DLGAP2: variants seen among roughly 807,000 people sequenced by gnomAD.
The protein encoded by DLGAP2 is DLG associated protein 2.
DLGAP2 carries 26 observed loss-of-function variants against 100.3 expected under a neutral mutation model. That is an observed-to-expected ratio of 0.26 (90% CI 0.19 to 0.36). DLGAP2 has a LOEUF of 0.36. DLGAP2 is among the 10% of genes least tolerant of loss of function. The probability of loss-of-function intolerance (pLI) is 1.00; values close to 1 mark genes in which losing one functional copy is unlikely to be tolerated. For missense variants in DLGAP2, 1,858 were observed against 1,453.2 expected, an observed-to-expected ratio of 1.28 and a Z score of -4.53; for synonymous variants, 886 against 630.1, an observed-to-expected ratio of 1.41 and a Z score of -6.08.
At chr8:1,190,847 AG>A (rs1797618412) in intron 2 of DLGAP2, among the ~76,000 whole-genome samples, 1 of 152,174 alleles carries the variant, frequency 6.6e-6, no homozygotes, top group African/African-American at 2.4e-5. Context: ...CCCAGGCTCC[AG>A]GCGCACGCAG....
intron 1 of DLGAP2, among the ~76,000 whole-genome samples, chr8:764,610 A>G (rs1821164732): frequency 6.6e-6 from 1 of 152,196 alleles, no homozygotes; most frequent in African/African-American, 2.4e-5. Flanking sequence ...TTAGGTAATA[A>G]AAAATCACCC....
intron 2 of DLGAP2, among the ~76,000 whole-genome samples, chr8:943,253 C>T (rs1203391313): frequency 6.6e-6 from 1 of 152,112 alleles, no homozygotes; most frequent in African/African-American, 2.4e-5. Flanking sequence ...CTAGGGATCG[C>T]ATTCTCAGGC....
chr8:1,623,804 A>G (rs980031661), intron 6 of DLGAP2, among the ~76,000 whole-genome samples: 2 of 152,268 alleles, frequency 1.3e-5, no homozygotes, highest in African/African-American at 4.8e-5. Flanking sequence ...GGACAATGCA[A>G]AACACTTATT....
In DLGAP2 at chr8:1,552,201, C is replaced by T. The variant is rs73671203; in HGVS notation, c.1230+2518C>T. On this transcript the variant is annotated intron_variant, in intron 5 of 14. Transcript: ENST00000637795. ...CCTCGGAAACAACACAGAGCGTTAT[C>T]GTGCCGACATTGGGAAGCACTGCCC... Among the ~76,000 whole-genome samples the T allele has an allele frequency of 2.4e-3, 364 of 152,334 alleles. 2 individuals carry two copies. Among genetic ancestry groups the T allele is most frequent in the African/African-American group, 8.2e-3 (342 of 41,570 alleles).
chr8:1,413,914 T>C (rs73670796), intron 3 of DLGAP2, among the ~76,000 whole-genome samples: 3,025 of 152,222 alleles, frequency 0.02, 91 homozygotes, highest in African/African-American at 0.068. Flanking sequence ...TTTATCATTT[T>C]TTTTTTCAAA....
chr8:1,219,999 C>T (rs1182528552), intron 2 of DLGAP2, among the ~76,000 whole-genome samples: 1 of 151,862 alleles, frequency 6.6e-6, no homozygotes, highest in Non-Finnish European at 1.5e-5. Flanking sequence ...TGGATCTTCT[C>T]TCTGTTTAAA....
chr8:1,023,857 A>ATATGTGTGTGTG (rs772678610), intron 2 of DLGAP2, among the ~76,000 whole-genome samples: 4 of 128,836 alleles, frequency 3.1e-5, no homozygotes, highest in Admixed American at 8.2e-5. Context: ...AACTTTATAT[A>ATATGTGTGTGTG]TGTGTGTGTG....
At chr8:1,167,592 G>T (rs2060813) in intron 2 of DLGAP2, among the ~76,000 whole-genome samples, 129,947 of 152,140 alleles carry the variant, frequency 0.85, 55,560 homozygotes, top group Middle Eastern at 0.88. Flanking sequence ...CCACATTGAG[G>T]TAATACTTAA....
chr8:836,097 G>A lies in DLGAP2; in HGVS notation c.19-71815G>A, dbSNP rs1796869650. ...CGCAGCCATGGAGCACAGCGGCGGC[G>A]CAACAGCTGTGTTGTTCCTGAACGC... On this transcript the variant is annotated intron_variant, in intron 1 of 14. Transcript: ENST00000637795. Among the ~76,000 whole-genome samples, 2 of 152,178 alleles carry A rather than the reference G, an allele frequency of 1.3e-5. 1 individual carries two copies. The highest frequency in any genetic ancestry group is 4.1e-4 in the South Asian group (2 of 4,830).
intron 3 of DLGAP2, among the ~76,000 whole-genome samples, chr8:1,384,786 A>G (rs367689724): frequency 9.8e-5 from 3 of 30,560 alleles, no homozygotes; most frequent in African/African-American, 3.8e-4. Flanking sequence ...CTTGGTGCAC[A>G]GTTACCCCGG....
At chr8:1,536,540 T>C (rs1801159133) in intron 4 of DLGAP2, among the ~76,000 whole-genome samples, 2 of 152,302 alleles carry the variant, frequency 1.3e-5, no homozygotes, top group African/African-American at 4.8e-5. Flanking sequence ...CTGAAAGCAT[T>C]TTGAGCCTGG....
At chr8:1,439,509 G>A (rs1797764786) in intron 3 of DLGAP2, among the ~76,000 whole-genome samples, 1 of 152,168 alleles carries the variant, frequency 6.6e-6, no homozygotes, top group Admixed American at 6.5e-5. Context: ...GTCATCAGAG[G>A]CCCACAGTGG....
chr8:1,100,879 C>G (rs764956590), intron 2 of DLGAP2, among the ~76,000 whole-genome samples: 3 of 152,194 alleles, frequency 2.0e-5, no homozygotes, highest in Non-Finnish European at 2.9e-5. Flanking sequence ...TTCTTAAAGC[C>G]ACTCATTTTA....
chr8:1,092,651 A>T (rs1023017087), intron 2 of DLGAP2, among the ~76,000 whole-genome samples: 15 of 152,298 alleles, frequency 9.8e-5, no homozygotes, highest in African/African-American at 3.6e-4. Flanking sequence ...GGATCTTGTA[A>T]TTACAGTCAC....
chr8:774,301 C>T (rs1172871333), intron 1 of DLGAP2, among the ~76,000 whole-genome samples: 1 of 152,136 alleles, frequency 6.6e-6, no homozygotes, highest in African/African-American at 2.4e-5. Flanking sequence ...TGTGAGTTGC[C>T]TGTTCACTCT....
At chr8:1,082,209 G>A (rs1269480775) in intron 2 of DLGAP2, among the ~76,000 whole-genome samples, 1 of 152,098 alleles carries the variant, frequency 6.6e-6, no homozygotes, top group East Asian at 1.9e-4. Flanking sequence ...GAACTCGAGT[G>A]GCAGGTGGAA....
At chr8:1,151,717 T>C (rs186217916) in intron 2 of DLGAP2, among the ~76,000 whole-genome samples, 2 of 152,320 alleles carry the variant, frequency 1.3e-5, no homozygotes, top group Non-Finnish European at 2.9e-5. Flanking sequence ...AAGAGGCCGA[T>C]TGTCAGGTGG....
At chr8:1,345,333 C>T (rs771141230) in intron 3 of DLGAP2, among the ~76,000 whole-genome samples, 2 of 147,908 alleles carry the variant, frequency 1.4e-5, no homozygotes, top group African/African-American at 2.5e-5. Context: ...TGTTTCTCTT[C>T]GCCAAACACA....
chr8:1,004,922 G>A (rs983784054), intron 2 of DLGAP2, among the ~76,000 whole-genome samples: 2 of 152,152 alleles, frequency 1.3e-5, no homozygotes, highest in African/African-American at 2.4e-5. Flanking sequence ...GCTGCTGTCC[G>A]GCACCATGCA....
Sources: gnomAD v4.1 joint callset for allele counts (sites outside exome capture counted in the v4.1 genomes callset) on GRCh38, gnomAD v4.1.1 for gene constraint, MANE v1.5 for transcripts, NCBI Gene and HGNC (gene_info 2026-07-23, HGNC 2026-07-21) for gene names.